The following GSTCD variants were observed in gnomAD, a reference collection of about 807,000 sequenced individuals.
GSTCD encodes glutathione S-transferase C-terminal domain containing.
GSTCD carries 44 observed loss-of-function variants against 68.3 expected under a neutral mutation model. The ratio of observed to expected loss-of-function variants is 0.64; its 90% CI spans 0.51 to 0.83. The LOEUF is 0.83. Ranked by LOEUF, GSTCD falls within the 40% of genes least tolerant of loss-of-function variation. GSTCD has a pLI of 0.00. For missense variants in GSTCD, 739 were observed against 735.9 expected, an observed-to-expected ratio of 1.00 and a Z score of -0.05; for synonymous variants, 273 against 255.2, an observed-to-expected ratio of 1.07 and a Z score of -0.67.
intron 8 of GSTCD, among the ~76,000 whole-genome samples, chr4:105,829,216 C>T (rs1476915231): frequency 6.6e-6 from 1 of 151,166 alleles, no homozygotes; most frequent in African/African-American, 2.4e-5. Context: ...AAGAAAGGCA[C>T]CTATCCAGGC....
chr4:105,729,464 G>A lies in GSTCD; in HGVS notation c.1205G>A (p.Trp402Ter). Residue 402 changes from tryptophan to a stop codon, truncating the protein, a stop_gained, in exon 5 of 12, where the codon TGG (tryptophan) becomes TAG (stop). Coordinates refer to ENST00000515279, the MANE Select transcript of GSTCD (RefSeq NM_001370181.1). LOFTEE classifies it high-confidence loss of function. ...PHPCPTWTLDWNVLPAAVSPK... is the reference protein window; with the variant it reads ...PHPCPTWTLD ...CCTTGCCCTACTTGGACTCTTGATT[G>A]GAATGTTCTCCCTGCAGCAGTCAGC... 1 of 1,611,980 alleles carries A rather than the reference G, an allele frequency of 6.2e-7. No individual in the cohort carries two copies. Among genetic ancestry groups the A allele is most frequent in the South Asian group, 1.1e-5 (1 of 90,786 alleles).
chr4:105,712,088 C>CT (rs1022363825), intron 1 of GSTCD, among the ~76,000 whole-genome samples: 2 of 152,206 alleles, frequency 1.3e-5, no homozygotes, highest in Non-Finnish European at 2.9e-5. Context: ...TAATAATACT[C>CT]TCAGACAGTG....
rs1338328589 is a variant in GSTCD, at chr4:105,769,229, G to GCA, written c.1240+39731_1240+39732insAC. ...TTATTTTTAAAAATATACTATACAC[G>GCA]CGCGCACACACACACACACACACAC... is the stretch of plus-strand genomic sequence containing the variant. On this transcript the variant is annotated intron_variant, in intron 5 of 11. Transcript: ENST00000515279. 1.9e-4 allele frequency among the ~76,000 whole-genome samples: 10 copies of GCA among 53,166 alleles called. No individual in the cohort carries two copies. The Admixed American group carries it at 2.7e-3, about 14-fold the overall frequency. 34.9% of individuals were successfully genotyped at this position (53,166 alleles called of 152,430 possible).
chr4:105,717,974 C>T lies in GSTCD; in HGVS notation c.361C>T (p.Pro121Ser). The part of the protein sequence containing the change: ...HIIQKSYEAD[P>S]LKKELLELLG... The stretch of plus-strand genomic sequence containing the variant: ...AATCCAGAAATCCTATGAAGCAGAC[C>T]CCTTAAAGAAGGAACTTTTGGAACT... Residue 121 changes from proline (P) to serine (S), a missense_variant, in exon 2 of 12, where the codon CCC becomes TCC. Coordinates refer to ENST00000515279, the MANE Select transcript of GSTCD (RefSeq NM_001370181.1). The T allele has an allele frequency of 6.2e-7, 1 of 1,613,192 alleles. No individual in the cohort carries two copies. Among genetic ancestry groups the T allele is most frequent in the Non-Finnish European group, 8.5e-7 (1 of 1,179,724 alleles).
chr4:105,775,166 C>T (rs934750445), intron 5 of GSTCD, among the ~76,000 whole-genome samples: 12 of 152,056 alleles, frequency 7.9e-5, no homozygotes, highest in South Asian at 6.2e-4. Context: ...CTTTTTTATG[C>T]GTCACAAAGT....
At chr4:105,782,441 A>G (rs1204078786) in intron 5 of GSTCD, among the ~76,000 whole-genome samples, 3 of 152,144 alleles carry the variant, frequency 2.0e-5, no homozygotes, top group South Asian at 4.1e-4. Context: ...GCAGTGAGCC[A>G]TGTTCATGCC....
At chr4:105,834,800 A>G (rs1466205104) in intron 9 of GSTCD, among the ~76,000 whole-genome samples, 3 of 152,156 alleles carry the variant, frequency 2.0e-5, no homozygotes. Flanking sequence ...TTTTACTGAA[A>G]TTTAGAAGCA....
chr4:105,839,647 AGAG>A (rs1724258268), intron 10 of GSTCD, among the ~76,000 whole-genome samples: 1 of 150,284 alleles, frequency 6.7e-6, no homozygotes, highest in Non-Finnish European at 1.5e-5. Context: ...TCTCAAGAAA[AGAG>A]AGAGAGAGAG....
rs548798234 is a variant in GSTCD at position 105,735,465 on chromosome 4, C to T, written c.1240+5966C>T. On this transcript the variant is annotated intron_variant, in intron 5 of 11. Coordinates refer to ENST00000515279, the MANE Select transcript of GSTCD (RefSeq NM_001370181.1). ...GAGCAAGGCTCCGTTGGCGTGGGAC[C>T]ATCTGAGCCAGGCACGGGATATAAT... Among the ~76,000 whole-genome samples, 90 of 152,330 alleles carry T rather than the reference C, an allele frequency of 5.9e-4. 3 individuals are homozygous for T. The South Asian group carries it at 0.018, about 31-fold the overall frequency.
chr4:105,735,891 A>G (rs1012064782), intron 5 of GSTCD, among the ~76,000 whole-genome samples: 1 of 152,180 alleles, frequency 6.6e-6, no homozygotes, highest in Non-Finnish European at 1.5e-5. Flanking sequence ...TCATATTTTA[A>G]AAATATCGAT....
chr4:105,816,508 G>A (rs1368044735), intron 5 of GSTCD, among the ~76,000 whole-genome samples: 1 of 152,024 alleles, frequency 6.6e-6, no homozygotes, highest in Non-Finnish European at 1.5e-5. Context: ...CCTGACATTC[G>A]AAACTTAAAT....
intron 10 of GSTCD, chr4:105,840,305 T>C (rs1451370044): frequency 2.4e-6 from 1 of 410,634 alleles, no homozygotes; most frequent in African/African-American, 2.1e-5. Context: ...AAATTTTCCT[T>C]CTCTCCTTTC....
intron 5 of GSTCD, among the ~76,000 whole-genome samples, chr4:105,738,411 T>A (rs929098675): frequency 1.3e-5 from 2 of 152,180 alleles, no homozygotes; most frequent in Non-Finnish European, 2.9e-5. Flanking sequence ...ATTTTTTTTC[T>A]ATTTTTGTGA....
chr4:105,753,106 T>C (rs886966191), intron 5 of GSTCD: 18 of 152,050 alleles, frequency 1.2e-4, no homozygotes, highest in African/African-American at 4.3e-4. Flanking sequence ...AGTTTTTCCA[T>C]TGATCACAAA....
chr4:105,761,977 A>C (rs1238883461), intron 5 of GSTCD: 2 of 152,198 alleles, frequency 1.3e-5, no homozygotes, highest in Non-Finnish European at 2.9e-5. Flanking sequence ...TCCCCACCTC[A>C]ACTCTCCCGA....
chr4:105,836,727 C>T (rs1724136993), intron 9 of GSTCD, among the ~76,000 whole-genome samples: 1 of 152,182 alleles, frequency 6.6e-6, no homozygotes, highest in African/African-American at 2.4e-5. Flanking sequence ...TTTTGGTGGC[C>T]TTTACAGTAT....
intron 5 of GSTCD, among the ~76,000 whole-genome samples, chr4:105,797,760 C>CTTTTTTTTTTTTTTTTTT (rs70941218): frequency 7.1e-5 from 6 of 84,952 alleles, no homozygotes; most frequent in African/African-American, 2.8e-4. Context: ...CACAATAGAA[C>CTTTTTTTTTTTTTTTTTT]TTTTTTTTTT....
At chr4:105,796,215 G>A (rs190648650) in intron 5 of GSTCD, among the ~76,000 whole-genome samples, 193 of 152,322 alleles carry the variant, frequency 1.3e-3, no homozygotes, top group African/African-American at 2.0e-3. Context: ...GAGAGAGAGC[G>A]AGCTTGTGCA....
intron 3 of GSTCD, among the ~76,000 whole-genome samples, chr4:105,725,486 G>A (rs907295179): frequency 3.9e-5 from 6 of 151,990 alleles, no homozygotes; most frequent in South Asian, 2.1e-4. Flanking sequence ...TTCCACATGC[G>A]CACCATCATT....
Sources: allele counts gnomAD v4.1 joint callset (sites outside exome capture counted in the v4.1 genomes callset), GRCh38; gene constraint gnomAD v4.1.1; transcripts MANE v1.5; gene names NCBI Gene and HGNC (gene_info 2026-07-23, HGNC 2026-07-21).